The following SIK3 variants were observed in gnomAD, a reference collection of about 807,000 sequenced individuals.
The protein encoded by SIK3 is SIK family kinase 3.
In SIK3, 28 loss-of-function variants were observed where a neutral mutation model predicts 144.2. The ratio of observed to expected loss-of-function variants is 0.19; its 90% CI spans 0.14 to 0.27. The LOEUF (loss-of-function observed/expected upper bound fraction) is 0.27. Among genes scored for constraint, SIK3 ranks in the 10% least tolerant of loss-of-function variants. The pLI is 1.00. For missense variants in SIK3, 1,319 were observed against 1,776.0 expected (o/e 0.74, Z 4.62); for synonymous variants, 686 against 676.3 (o/e 1.01, Z -0.22).
intron 1 of SIK3, among the ~76,000 whole-genome samples, chr11:117,081,139 A>T: frequency 6.6e-6 from 1 of 152,010 alleles, no homozygotes; most frequent in Non-Finnish European, 1.5e-5. Flanking sequence ...AGATTGTGGT[A>T]TGTTCCCTTT....
At chr11:116,939,388 C>T (rs1048204319) in intron 3 of SIK3, among the ~76,000 whole-genome samples, 4 of 152,222 alleles carry the variant, frequency 2.6e-5, no homozygotes, top group African/African-American at 9.6e-5. Flanking sequence ...CCTCGTGATC[C>T]ACCTGCCTCG....
intron 1 of SIK3, among the ~76,000 whole-genome samples, chr11:116,992,903 T>C (rs1950545109): frequency 6.6e-6 from 1 of 152,158 alleles, no homozygotes; most frequent in South Asian, 2.1e-4. Flanking sequence ...GAGGGTCACT[T>C]AAGTCCAGGA....
At chr11:116,973,393 C>G (rs2135476769) in intron 1 of SIK3, among the ~76,000 whole-genome samples, 1 of 152,336 alleles carries the variant, frequency 6.6e-6, no homozygotes, top group South Asian at 2.1e-4. Context: ...GTGAACAAAA[C>G]TAAAGCTCTT....
At chr11:116,859,729 G>T in intron 19 of SIK3, 125 bp from the exon 20 acceptor site, 1 of 764,756 alleles carries the variant, frequency 1.3e-6, no homozygotes, top group Non-Finnish European at 2.1e-6. Context: ...ACTGCACTGA[G>T]CATAGGACAA....
chr11:117,004,097 C>T (rs960314013), intron 1 of SIK3, among the ~76,000 whole-genome samples: 1 of 152,186 alleles, frequency 6.6e-6, no homozygotes, highest in Non-Finnish European at 1.5e-5. Context: ...TGATCATCCA[C>T]TGATTAGAAA....
chr11:116,995,135 C>T (rs926748769), intron 1 of SIK3, among the ~76,000 whole-genome samples: 7 of 151,808 alleles, frequency 4.6e-5, no homozygotes, highest in East Asian at 2.0e-4. Context: ...GGCATGATGG[C>T]GCATGCCCGT....
chr11:116,932,944 C>A (rs981210734), intron 3 of SIK3, among the ~76,000 whole-genome samples: 4 of 151,948 alleles, frequency 2.6e-5, no homozygotes, highest in African/African-American at 7.3e-5. Context: ...CCATGCCTAG[C>A]TAATTATTTA....
Position 116,847,558 on chromosome 11 carries a change from A to C in SIK3, c.3870T>G (p.Leu1290=). 6.2e-7 allele frequency: 1 copy of C among 1,614,196 alleles called. No homozygotes were observed. Among genetic ancestry groups the C allele is most frequent in the Non-Finnish European group, 8.5e-7 (1 of 1,180,036 alleles). The stretch of plus-strand genomic sequence containing the variant: ...CTGCATCCGACATCCGGGCAGAGCT[A>C]AGTGCTTTCCCAGCCACGAGACTCA... ...PGMSLVAGKA[L]SSARMSDAVL... Residue 1290 remains leucine (L), a synonymous_variant, in exon 23 of 25, where the codon CTT becomes CTG. Coordinates refer to ENST00000445177, the MANE Select transcript of SIK3 (RefSeq NM_001366686.3).
chr11:116,928,424 C>T (rs1947403932), intron 3 of SIK3, among the ~76,000 whole-genome samples: 1 of 152,130 alleles, frequency 6.6e-6, no homozygotes, highest in South Asian at 2.1e-4. Flanking sequence ...TATTTGCCAT[C>T]CTAAGCATCC....
intron 21 of SIK3, among the ~76,000 whole-genome samples, chr11:116,851,930 T>A (rs1460669233): frequency 1.3e-5 from 2 of 152,240 alleles, no homozygotes; most frequent in Admixed American, 6.5e-5. Context: ...CAAAAACCTA[T>A]ATTGTCTTCT....
At chr11:117,021,928 C>CAAAAAAAAAAAAA (rs71037444) in intron 1 of SIK3, among the ~76,000 whole-genome samples, 37 of 58,994 alleles carry the variant, frequency 6.3e-4, no homozygotes, top group East Asian at 1.3e-3. Context: ...TCTGTCTCTA[C>CAAAAAAAAAAAAA]AAAAAAAAAA....
chr11:117,085,425 C>A (rs1326433010), intron 1 of SIK3, among the ~76,000 whole-genome samples: 1 of 152,078 alleles, frequency 6.6e-6, no homozygotes, highest in Non-Finnish European at 1.5e-5. Flanking sequence ...CCATACCCAG[C>A]CCTGGGGTTT....
At chr11:116,859,125 C>T (rs1943158946) in intron 20 of SIK3, 140 bp downstream of exon 20, 1 of 795,024 alleles carries the variant, frequency 1.3e-6, no homozygotes, top group Non-Finnish European at 1.9e-6. Flanking sequence ...AACCCAGCAT[C>T]CTGATTTTAG....
At chr11:116,942,330 T>C (rs1948354205) in intron 3 of SIK3, among the ~76,000 whole-genome samples, 2 of 152,246 alleles carry the variant, frequency 1.3e-5, no homozygotes, top group African/African-American at 4.8e-5. Flanking sequence ...TTCATTCACT[T>C]AGTATTTTAT....
intron 4 of SIK3, among the ~76,000 whole-genome samples, chr11:116,913,909 C>CA (rs552968977): frequency 7.0e-5 from 9 of 127,976 alleles, no homozygotes; most frequent in Admixed American, 5.0e-4. Flanking sequence ...AACAAATAAA[C>CA]AAAAAACCAC....
At chr11:117,034,106 C>A (rs998372910) in intron 1 of SIK3, among the ~76,000 whole-genome samples, 18 of 151,996 alleles carry the variant, frequency 1.2e-4, no homozygotes, top group African/African-American at 4.3e-4. Context: ...AGATTATGGA[C>A]AGAAAAAAAA....
intron 1 of SIK3, among the ~76,000 whole-genome samples, chr11:116,967,763 T>C (rs533205561): frequency 6.6e-6 from 1 of 152,330 alleles, no homozygotes; most frequent in South Asian, 2.1e-4. Context: ...CATGCATTTC[T>C]TGTCTGGATG....
At chr11:117,053,445 C>T (rs1329755364) in intron 1 of SIK3, among the ~76,000 whole-genome samples, 2 of 151,844 alleles carry the variant, frequency 1.3e-5, no homozygotes, top group Non-Finnish European at 2.9e-5. Flanking sequence ...TAGTAATATG[C>T]AAGCCCTTTC....
intron 6 of SIK3, 104 bp from the exon 7 acceptor site, chr11:116,877,146 C>G: frequency 1.1e-6 from 1 of 936,552 alleles, no homozygotes; most frequent in Non-Finnish European, 1.7e-6. Flanking sequence ...CAACTCCCTG[C>G]TTCTAATTTT....
Sources: allele counts gnomAD v4.1 joint callset (sites outside exome capture counted in the v4.1 genomes callset), GRCh38; gene constraint gnomAD v4.1.1; transcripts MANE v1.5; gene names NCBI Gene and HGNC (gene_info 2026-07-23, HGNC 2026-07-21).